The following EDDM3A variants were observed in gnomAD, a reference collection of about 807,000 sequenced individuals.
The protein encoded by EDDM3A is epididymal secretory protein E3-alpha.
For synonymous variants in EDDM3A, 75 were observed against 60.4 expected (o/e 1.24, Z -1.12); for missense variants, 199 against 177.4 (o/e 1.12, Z -0.69).
chr14:20,740,727 T>A, the EDDM3A span, among the ~76,000 whole-genome samples: 1 of 152,194 alleles, frequency 6.6e-6, no homozygotes, highest in South Asian at 2.1e-4. Flanking sequence ...TGGAATGCAG[T>A]GGTGCAATCT....
At chr14:20,745,535 A>G (rs962173636), upstream of EDDM3A, among the ~76,000 whole-genome samples, 2 of 151,794 alleles carry the variant, frequency 1.3e-5, no homozygotes, top group African/African-American at 2.4e-5. Flanking sequence ...CAAAAAAAAA[A>G]AAAAGGTGGC....
In EDDM3A at chr14:20,748,288, C is replaced by CCTG; in HGVS notation, c.*264_*265insCTG. 1 of 368,930 alleles carries CCTG rather than the reference C, an allele frequency of 2.7e-6. No individual in the cohort carries two copies. Among genetic ancestry groups the CCTG allele is most frequent in the Non-Finnish European group, 5.1e-6 (1 of 195,554 alleles). 22.9% of individuals were successfully genotyped at this position (368,930 alleles called of 1,614,324 possible). On this transcript the variant is annotated 3_prime_UTR_variant, in exon 2 of 2. Transcript: ENST00000326842. ...CAGCTCATATGGCATCTGTCCTCGA[C>CCTG]TAACCTAAGACTTTCCTGATATTGA...
upstream of EDDM3A, among the ~76,000 whole-genome samples, chr14:20,741,793 G>A (rs915169819): frequency 2.0e-5 from 3 of 152,158 alleles, no homozygotes; most frequent in Non-Finnish European, 2.9e-5. Context: ...TATTTCCCAT[G>A]TGGAGCCCTG....
upstream of EDDM3A, among the ~76,000 whole-genome samples, chr14:20,741,664 C>A (rs1189404993): frequency 2.0e-5 from 3 of 152,156 alleles, no homozygotes; most frequent in African/African-American, 7.2e-5. Flanking sequence ...ATGGGAAAAT[C>A]AATTTCCAAT....
At chr14:20,745,309 GA>G (rs1759206716), upstream of EDDM3A, among the ~76,000 whole-genome samples, 1 of 151,264 alleles carries the variant, frequency 6.6e-6, no homozygotes, top group Admixed American at 6.6e-5. Context: ...GGCAGATCAT[GA>G]GGTCAGGAGA....
intron 1 of EDDM3A, 136 bp from the exon 2 acceptor site, chr14:20,747,419 G>A: frequency 1.7e-6 from 1 of 601,754 alleles, no homozygotes; most frequent in Non-Finnish European, 2.9e-6. Flanking sequence ...TCTTTAATGA[G>A]AATCATCATC....
At chr14:20,740,600 C>G in the EDDM3A span, among the ~76,000 whole-genome samples, 1 of 152,210 alleles carries the variant, frequency 6.6e-6, no homozygotes, top group Non-Finnish European at 1.5e-5. Context: ...TAGGGACGTA[C>G]AGTGGAACTA....
In EDDM3A at chr14:20,748,034, G is replaced by T; in HGVS notation, c.*10G>T. On this transcript the variant is annotated 3_prime_UTR_variant, in exon 2 of 2. Transcript: ENST00000326842. ...ACCTATCAGCAACTAGAAAGTCTAT[G>T]CACATCCTCAGATATTGGTAGAGTA... 1 of 1,579,110 alleles carries T rather than the reference G, an allele frequency of 6.3e-7. No individual in the cohort carries two copies. Among genetic ancestry groups the T allele is most frequent in the East Asian group, 2.2e-5 (1 of 44,568 alleles).
At chr14:20,745,594 TC>T (rs34737148), upstream of EDDM3A, among the ~76,000 whole-genome samples, 5 of 152,142 alleles carry the variant, frequency 3.3e-5, 1 homozygote, top group South Asian at 1.0e-3. Flanking sequence ...TCCAGGGACT[TC>T]CCCAGAAGTT....
chr14:20,743,505 AT>A (rs1877497562), upstream of EDDM3A, among the ~76,000 whole-genome samples: 1 of 145,520 alleles, frequency 6.9e-6, no homozygotes, highest in Non-Finnish European at 1.5e-5. Context: ...AGCTGAGATC[AT>A]GCCTGGACGA....
upstream of EDDM3A, among the ~76,000 whole-genome samples, chr14:20,743,959 A>G (rs1251626527): frequency 2.0e-5 from 3 of 152,148 alleles, no homozygotes; most frequent in Non-Finnish European, 4.4e-5. Context: ...CCATATTAAA[A>G]GTGGAATATC....
In EDDM3A at chr14:20,747,962, G is replaced by C. The variant is rs1877657924; in HGVS notation, c.382G>C (p.Gly128Arg). The part of the protein sequence containing the change: ...RSFSYIEFHC[G>R]VDGYVDNIED... Reference sequence around the variant, plus strand: ...CTTCAGCTACATTGAATTCCATTGTGGCGTAGATGGATATGTTGATAACAT... The same window carrying C: ...CTTCAGCTACATTGAATTCCATTGTCGCGTAGATGGATATGTTGATAACAT... Residue 128 changes from glycine to arginine, a missense_variant, in exon 2 of 2, where the codon GGC becomes CGC. Physicochemically the swap from Gly to Arg is moderately radical, Grantham distance 125. Coordinates refer to ENST00000326842, the MANE Select transcript of EDDM3A (RefSeq NM_006683.5). 1.2e-6 allele frequency: 2 copies of C among 1,613,788 alleles called. No individual in the cohort carries two copies. The highest frequency in any genetic ancestry group is 4.5e-5 in the East Asian group (2 of 44,876).
At chr14:20,739,354 G>A in the EDDM3A span, among the ~76,000 whole-genome samples, 2 of 152,192 alleles carry the variant, frequency 1.3e-5, no homozygotes, top group African/African-American at 4.8e-5. Flanking sequence ...AGCTTTATAA[G>A]CTCTAGCTTT....
rs1181546885 is a variant in EDDM3A, at chr14:20,748,117, C to T, written c.*93C>T. 1 of 885,220 alleles carries T rather than the reference C, an allele frequency of 1.1e-6. No individual in the cohort carries two copies. Among genetic ancestry groups the T allele is most frequent in the East Asian group, 2.5e-5 (1 of 39,808 alleles). 54.8% of individuals were successfully genotyped at this position (885,220 alleles called of 1,614,324 possible). A position where few individuals can be genotyped will look rare whatever the true frequency, so the allele number is the denominator to read the frequency against. ...CATCAATAGCCCCTGCCACTCCCCG[C>T]TTACATTTATGTGTCAGTGTTTTCC... On this transcript the variant is annotated 3_prime_UTR_variant, in exon 2 of 2. Coordinates refer to ENST00000326842, the MANE Select transcript of EDDM3A (RefSeq NM_006683.5).
intron 1 of EDDM3A, among the ~76,000 whole-genome samples, chr14:20,746,913 T>A (rs1410862944): frequency 6.6e-6 from 1 of 152,168 alleles, no homozygotes; most frequent in Admixed American, 6.5e-5. Flanking sequence ...ATTTTTCTAT[T>A]GGACACATGA....
Position 20,747,991 on chromosome 14 carries a change from A to C in EDDM3A, c.411A>C (p.Glu137Asp). 6.2e-7 allele frequency: 1 copy of C among 1,611,104 alleles called. No individual in the cohort carries two copies. Among genetic ancestry groups the C allele is most frequent in the South Asian group, 1.1e-5 (1 of 90,496 alleles). The part of the protein sequence containing the change: ...CGVDGYVDNI[E>D]DLRIIEPISN The stretch of plus-strand genomic sequence containing the variant: ...TAGATGGATATGTTGATAACATAGA[A>C]GACCTGAGGATTATAGAACCTATCA... The change falls in exon 2 of 2, where the codon GAA becomes GAC. Residue 137 changes from glutamate to aspartate, a missense_variant. Physicochemically the swap from Glu to Asp is conservative, Grantham distance 45 (BLOSUM62 2). Transcript: ENST00000326842.
chr14:20,744,018 C>T (rs1176058917), upstream of EDDM3A, among the ~76,000 whole-genome samples: 1 of 152,138 alleles, frequency 6.6e-6, no homozygotes, highest in African/African-American at 2.4e-5. Flanking sequence ...TGGCTTCTCT[C>T]TCCCACCTCT....
At chr14:20,738,434 G>A in the EDDM3A span, among the ~76,000 whole-genome samples, 1 of 151,676 alleles carries the variant, frequency 6.6e-6, no homozygotes, top group Non-Finnish European at 1.5e-5. Flanking sequence ...TTGTGCCATT[G>A]CACTCCAGCC....
chr14:20,740,828 GATGCAGGAAT>G, the EDDM3A span, among the ~76,000 whole-genome samples: 1 of 152,218 alleles, frequency 6.6e-6, no homozygotes, highest in South Asian at 2.1e-4. Context: ...GGAATGACAA[GATGCAGGAAT>G]GGCCTCCTCT....
Sources: gnomAD v4.1 joint callset for allele counts (sites outside exome capture counted in the v4.1 genomes callset) on GRCh38, gnomAD v4.1.1 for gene constraint, MANE v1.5 for transcripts, NCBI Gene and HGNC (gene_info 2026-07-23, HGNC 2026-07-21) for gene names.